KCTD1: variants seen among roughly 807,000 people sequenced by gnomAD.
The protein encoded by KCTD1 is BTB/POZ domain-containing protein KCTD1.
A neutral mutation model predicts 66.0 loss-of-function variants in KCTD1; 24 were observed. That is an observed-to-expected ratio of 0.36 (90% CI 0.26 to 0.51). KCTD1 has a LOEUF of 0.51. Ranked by LOEUF, KCTD1 falls within the 20% of genes least tolerant of loss-of-function variation. KCTD1 has a pLI of 0.95. For synonymous variants in KCTD1, 511 were observed against 517.2 expected (o/e 0.99, Z 0.16); for missense variants, 943 against 1,205.2 (o/e 0.78, Z 3.22).
rs539050551 is a variant in KCTD1 at position 26,649,178 on chromosome 18, G to A, written c.9+8182C>T. On this transcript the variant is annotated intron_variant, in intron 1 of 4. Coordinates refer to the KCTD1 transcript ENST00000580191. Reference sequence around the variant, plus strand: ...ACACTGTTCCATTCCCTGGCAGCACGTGACTGCCTAAGACTGGGTTATTAT... The same window carrying A: ...ACACTGTTCCATTCCCTGGCAGCACATGACTGCCTAAGACTGGGTTATTAT... 2.0e-5 allele frequency among the ~76,000 whole-genome samples: 3 copies of A among 152,322 alleles called. No individual in the cohort carries two copies. In the South Asian group the frequency reaches 6.2e-4, roughly 32 times the overall value.
intron 3 of KCTD1, among the ~76,000 whole-genome samples, chr18:26,464,479 A>G (rs1227725549): frequency 6.6e-6 from 1 of 152,232 alleles, no homozygotes; most frequent in Non-Finnish European, 1.5e-5. Flanking sequence ...CATGCAAAGC[A>G]TTGTATTCAC....
chr18:26,520,631 A>G (rs574308357), intron 1 of KCTD1, among the ~76,000 whole-genome samples: 18 of 152,192 alleles, frequency 1.2e-4, no homozygotes, highest in Non-Finnish European at 2.4e-4. Flanking sequence ...AGAACTCCCT[A>G]AAACCCCCAA....
chr18:26,612,914 A>G (rs1445816451), intron 1 of KCTD1, among the ~76,000 whole-genome samples: 1 of 152,184 alleles, frequency 6.6e-6, no homozygotes, highest in Non-Finnish European at 1.5e-5. Flanking sequence ...GTGGAAGGGT[A>G]AATGTGGTCC....
chr18:26,511,498 G>A (rs1983328038), intron 1 of KCTD1, among the ~76,000 whole-genome samples: 3 of 152,202 alleles, frequency 2.0e-5, no homozygotes, highest in Admixed American at 2.0e-4. Context: ...TGCACACGCT[G>A]TTGTGGGGGG....
chr18:26,617,705 T>C (rs1041473711), intron 1 of KCTD1, among the ~76,000 whole-genome samples: 10 of 152,136 alleles, frequency 6.6e-5, no homozygotes, highest in Non-Finnish European at 1.2e-4. Context: ...CATATGTTGG[T>C]TATAATTGAA....
intron 4 of KCTD1, chr18:26,458,456 C>T (rs751193723): frequency 2.0e-5 from 3 of 152,210 alleles, no homozygotes; most frequent in Non-Finnish European, 4.4e-5. Context: ...ACTCCATTGA[C>T]TTCAAATGGT....
intron 1 of KCTD1, among the ~76,000 whole-genome samples, chr18:26,638,302 T>G (rs1465393943): frequency 6.6e-6 from 1 of 152,194 alleles, no homozygotes; most frequent in African/African-American, 2.4e-5. Flanking sequence ...TTTTCCTCCT[T>G]TAATATTTTA....
intron 1 of KCTD1, among the ~76,000 whole-genome samples, chr18:26,617,526 T>A (rs1202059182): frequency 4.6e-5 from 7 of 152,362 alleles, no homozygotes; most frequent in African/African-American, 1.2e-4. Context: ...GGTACTATTA[T>A]TGAGCTGAAA....
intron 1 of KCTD1, among the ~76,000 whole-genome samples, chr18:26,608,955 C>T (rs1169452002): frequency 1.3e-5 from 2 of 152,136 alleles, no homozygotes; most frequent in South Asian, 2.1e-4. Flanking sequence ...TATAGTTCAT[C>T]GCATTCTGGT....
At chr18:26,558,508 T>C (rs551560517) in intron 1 of KCTD1, among the ~76,000 whole-genome samples, 3 of 152,206 alleles carry the variant, frequency 2.0e-5, no homozygotes, top group South Asian at 2.1e-4. Flanking sequence ...TGTACTCCCA[T>C]GTTTGTTGCA....
intron 1 of KCTD1, among the ~76,000 whole-genome samples, chr18:26,521,329 A>C (rs1236933883): frequency 6.6e-6 from 1 of 152,238 alleles, no homozygotes; most frequent in African/African-American, 2.4e-5. Context: ...ACTTCACTAA[A>C]AACACCACTA....
At chr18:26,490,080 C>T (rs76221833) in intron 2 of KCTD1, among the ~76,000 whole-genome samples, 4 of 152,220 alleles carry the variant, frequency 2.6e-5, no homozygotes, top group East Asian at 1.9e-4. Context: ...TTGTCCCAAG[C>T]GATGTGGATT....
intron 3 of KCTD1, among the ~76,000 whole-genome samples, chr18:26,463,975 G>A (rs1173742258): frequency 6.6e-6 from 1 of 152,192 alleles, no homozygotes; most frequent in Non-Finnish European, 1.5e-5. Flanking sequence ...ATGGGTGGTG[G>A]ACTCCAAAAT....
upstream of KCTD1, chr18:26,629,289 G>T: frequency 1.3e-6 from 1 of 765,500 alleles, no homozygotes; most frequent in Non-Finnish European, 1.6e-6. Context: ...CTTAGCCTCT[G>T]CCCTGCAAGC....
At chr18:26,616,057 C>T (rs890793032) in intron 1 of KCTD1, among the ~76,000 whole-genome samples, 3 of 152,122 alleles carry the variant, frequency 2.0e-5, no homozygotes, top group Non-Finnish European at 2.9e-5. Flanking sequence ...TCCCAAAGTG[C>T]TGGGATTACA....
Position 26,460,075 on chromosome 18 carries a change from C to T in KCTD1, c.2134-150G>A. 5 of 625,442 alleles carry T rather than the reference C, an allele frequency of 8.0e-6. No individual in the cohort carries two copies. The South Asian group carries it at 1.0e-4, about 13-fold the overall frequency. 38.7% of individuals were successfully genotyped at this position (625,442 alleles called of 1,614,324 possible). A position where few individuals can be genotyped will look rare whatever the true frequency, so the allele number is the denominator to read the frequency against. On this transcript the variant is annotated intron_variant, in intron 3 of 4. Coordinates refer to ENST00000580059, the MANE Select transcript of KCTD1 (RefSeq NM_001142730.3). ...TTCACTTACGACATGTTTGTAGAGG[C>T]TCAATTTGCATTCATTCATTCATTC...
At chr18:26,566,090 C>A (rs1787842519) in intron 1 of KCTD1, 1 of 152,178 alleles carries the variant, frequency 6.6e-6, no homozygotes. Context: ...CAGACCCTAG[C>A]ACACAGTAGG....
At chr18:26,538,538 G>C (rs1278105714) in intron 1 of KCTD1, among the ~76,000 whole-genome samples, 1 of 152,128 alleles carries the variant, frequency 6.6e-6, no homozygotes, top group East Asian at 1.9e-4. Flanking sequence ...AAACAACAGA[G>C]GGGCCCCCGG....
At chr18:26,498,521 A>G (rs1982595048) in intron 2 of KCTD1, among the ~76,000 whole-genome samples, 1 of 151,350 alleles carries the variant, frequency 6.6e-6, no homozygotes, top group Non-Finnish European at 1.5e-5. Flanking sequence ...AATTTTAATA[A>G]TGTTTTATTT....
Sources: allele counts gnomAD v4.1 joint callset (sites outside exome capture counted in the v4.1 genomes callset), GRCh38; gene constraint gnomAD v4.1.1; transcripts MANE v1.5; gene names NCBI Gene and HGNC (gene_info 2026-07-23, HGNC 2026-07-21).